Variants in FSTL3 observed in about 807,000 individuals in gnomAD.
FSTL3 encodes the protein follistatin-related protein 3.
In FSTL3, 21 loss-of-function variants were observed where a neutral mutation model predicts 28.1. That is an observed-to-expected ratio of 0.75 (90% confidence interval 0.53 to 1.08). The LOEUF (loss-of-function observed/expected upper bound fraction) is 1.08. FSTL3 is among the 50% of genes least tolerant of loss of function. FSTL3 has a pLI of 0.00. For missense variants in FSTL3, 400 were observed against 380.9 expected (o/e 1.05, Z -0.42); for synonymous variants, 199 against 164.2 (o/e 1.21, Z -1.62).
At chr19:680,120 C>T in intron 2 of FSTL3, 154 bp from the exon 3 acceptor site, 1 of 368,602 alleles carries the variant, frequency 2.7e-6, no homozygotes. Flanking sequence ...CCCTGGGAAC[C>T]CGAGGGCCCC....
chr19:676,542 AGAGGGGCGGGCG>A lies in FSTL3; in HGVS notation c.103+18_103+29del. 1 of 685,946 alleles carries A rather than the reference AGAGGGGCGGGCG, an allele frequency of 1.5e-6. No individual in the cohort carries two copies. The highest frequency in any genetic ancestry group is 1.9e-6 in the Non-Finnish European group (1 of 539,852). The allele number at this position is 685,946 out of a possible 1,614,324, so 42.5% of individuals were successfully genotyped here. ...CCCGCGCCCGGTGAGTGGGGCGGCC[AGAGGGGCGGGCG>A]GGGCGGGCCACCCACGTGGGGCTGC... On this transcript the variant is annotated intron_variant, in intron 1 of 4. Transcript: ENST00000166139.
In FSTL3 at chr19:682,681, T is replaced by G; in HGVS notation, c.*973T>G. 1 of 233,458 alleles carries G rather than the reference T, an allele frequency of 4.3e-6. No individual in the cohort carries two copies. Among genetic ancestry groups the G allele is most frequent in the Non-Finnish European group, 8.5e-6 (1 of 118,158 alleles). 14.5% of individuals were successfully genotyped at this position (233,458 alleles called of 1,614,324 possible). A position where few individuals can be genotyped will look rare whatever the true frequency, so the allele number is the denominator to read the frequency against. The stretch of plus-strand genomic sequence containing the variant: ...CCACAGAACCACCCAGCGTCTCCCC[T>G]GCTGCTGTCCACGTCAGTTCATGAG... On this transcript the variant is annotated 3_prime_UTR_variant, in exon 5 of 5. Coordinates refer to ENST00000166139, the MANE Select transcript of FSTL3 (RefSeq NM_005860.3).
intron 2 of FSTL3, among the ~76,000 whole-genome samples, chr19:678,605 G>A (rs1044183696): frequency 6.7e-6 from 1 of 149,514 alleles, no homozygotes; most frequent in Non-Finnish European, 1.5e-5. Flanking sequence ...CGGCCTCCGA[G>A]GTTCAGGTGA....
rs2031358702 is a variant in FSTL3, at chr19:682,358, T to G, written c.*650T>G. On this transcript the variant is annotated 3_prime_UTR_variant, in exon 5 of 5. Transcript: ENST00000166139. ...CTAGCCTGGGTGAGTATGGAGGGTC[T>G]AGCCTGGGTGTGTATGGAGGGTCTA... 1 of 235,924 alleles carries G rather than the reference T, an allele frequency of 4.2e-6. No individual in the cohort carries two copies. The allele number at this position is 235,924 out of a possible 1,614,324, so 14.6% of individuals were successfully genotyped here. A position where few individuals can be genotyped will look rare whatever the true frequency, so the allele number is the denominator to read the frequency against.
At chr19:678,430 G>A (rs2031255629) in intron 2 of FSTL3, among the ~76,000 whole-genome samples, 1 of 151,154 alleles carries the variant, frequency 6.6e-6, no homozygotes. Flanking sequence ...TCCCACATCA[G>A]ACTAGGGGCT....
Position 682,000 on chromosome 19 carries a change from C to G in FSTL3, c.*292C>G, listed in dbSNP as rs997668028. ...CTAAGACCTATTGCCGGGGAGGATT[C>G]CACACTTCCGCTCCTTTGGGGATAA... On this transcript the variant is annotated 3_prime_UTR_variant, in exon 5 of 5. Coordinates refer to ENST00000166139, the MANE Select transcript of FSTL3 (RefSeq NM_005860.3). The G allele has an allele frequency of 2.2e-5, 12 of 537,926 alleles. No homozygotes were observed. The highest frequency in any genetic ancestry group is 3.1e-5 in the Admixed American group (1 of 31,950). 33.3% of individuals were successfully genotyped at this position (537,926 alleles called of 1,614,324 possible).
intron 1 of FSTL3, 116 bp from the exon 2 acceptor site, chr19:677,676 T>TG (rs1268343792): frequency 2.0e-6 from 2 of 1,015,438 alleles, no homozygotes; most frequent in African/African-American, 1.6e-5. Context: ...TCTTCCTGGG[T>TG]GGGGGTAGAT....
intron 2 of FSTL3, chr19:680,001 A>AT (rs1555683190): frequency 6.6e-6 from 1 of 152,612 alleles, no homozygotes; most frequent in African/African-American, 3.8e-5. Context: ...CCGGGCAGAG[A>AT]CCCCCCCCCG....
At chr19:678,098 GCAGGGGGATC>G in intron 2 of FSTL3, 121 bp downstream of exon 2, 1 of 900,858 alleles carries the variant, frequency 1.1e-6, no homozygotes, top group Non-Finnish European at 1.7e-6. Context: ...GTAGGAGGCT[GCAGGGGGATC>G]CCAGCCTCAG....
At position 682,064 on chromosome 19, in the gene FSTL3, T is replaced by C; in HGVS notation, c.*356T>C. ...TGCTACTATCAAGAGGGCTGGGCAT[T>C]CTCTGCTGGTAATTCCTGAAGAGGC... On this transcript the variant is annotated 3_prime_UTR_variant, in exon 5 of 5. Coordinates refer to ENST00000166139, the MANE Select transcript of FSTL3 (RefSeq NM_005860.3). 1 of 425,680 alleles carries C rather than the reference T, an allele frequency of 2.3e-6. No homozygotes were observed. The highest frequency in any genetic ancestry group is 2.6e-5 in the South Asian group (1 of 37,876). 26.4% of individuals were successfully genotyped at this position (425,680 alleles called of 1,614,324 possible). A position where few individuals can be genotyped will look rare whatever the true frequency, so the allele number is the denominator to read the frequency against.
At chr19:680,722 A>T in intron 3 of FSTL3, 1 of 351,716 alleles carries the variant, frequency 2.8e-6, no homozygotes, top group East Asian at 4.2e-5. Flanking sequence ...CGCAGTGCGT[A>T]GGGGCGGGGC....
intron 2 of FSTL3, among the ~76,000 whole-genome samples, chr19:679,299 C>G (rs1457152897): frequency 6.6e-6 from 1 of 152,226 alleles, no homozygotes; most frequent in African/African-American, 2.4e-5. Flanking sequence ...CGGGGCCGCC[C>G]AGGTGCGGCC....
chr19:681,733 G>A lies in FSTL3; in HGVS notation c.*25G>A. On this transcript the variant is annotated 3_prime_UTR_variant, in exon 5 of 5. Transcript: ENST00000166139. ...AGCCTGCAGGACAGGCCTGGGCCTG[G>A]TGCCCGAGGCCCCCCATCATCCCCT... 2 of 1,537,594 alleles carry A rather than the reference G, an allele frequency of 1.3e-6. No homozygotes were observed. The highest frequency in any genetic ancestry group is 1.8e-6 in the Non-Finnish European group (2 of 1,136,338).
In FSTL3 at chr19:677,866, G is replaced by T; in HGVS notation, c.178G>T (p.Glu60Ter). 3 of 1,613,266 alleles carry T rather than the reference G, an allele frequency of 1.9e-6. No homozygotes were observed. The highest frequency in any genetic ancestry group is 2.5e-6 in the Non-Finnish European group (3 of 1,179,974). Residue 60 changes from glutamate (E) to a stop codon, truncating the protein, a stop_gained, in exon 2 of 5, where the codon GAG (glutamate) becomes TAG (stop). Coordinates refer to ENST00000166139, the MANE Select transcript of FSTL3 (RefSeq NM_005860.3). LOFTEE classifies it high-confidence loss of function. ...GCTCCAGACTGATGTCACCCGGGCC[G>T]AGTGCTGTGCCTCCGGCAACATTGA... ...LVLQTDVTRA[E>*]CCASGNIDTA...
At chr19:680,048 C>G (rs962711371) in intron 2 of FSTL3, 15 of 281,910 alleles carry the variant, frequency 5.3e-5, no homozygotes, top group Non-Finnish European at 9.8e-5. Context: ...CCCCCGCCCC[C>G]CAGCGCAGGC....
At chr19:678,900 G>A (rs2031268142) in intron 2 of FSTL3, among the ~76,000 whole-genome samples, 1 of 152,114 alleles carries the variant, frequency 6.6e-6, no homozygotes, top group African/African-American at 2.4e-5. Flanking sequence ...GTATGGGAGA[G>A]TGGATCAGGA....
Position 676,407 on chromosome 19 carries a change from CCGTCTCTGCGTT to C in FSTL3, c.-14_-3del, listed in dbSNP as rs2031209022. The C allele has an allele frequency of 9.5e-7, 1 of 1,054,210 alleles. No homozygotes were observed. The highest frequency in any genetic ancestry group is 4.2e-5 in the Admixed American group (1 of 23,618). 65.3% of individuals were successfully genotyped at this position (1,054,210 alleles called of 1,614,324 possible). A position where few individuals can be genotyped will look rare whatever the true frequency, so the allele number is the denominator to read the frequency against. ...GCGCGCTGGGAAGTCGGTGCCGCTG[CCGTCTCTGCGTT>C]CGCCATGCGTCCCGGGGCGCCAGGG... On this transcript the variant is annotated 5_prime_UTR_variant, in exon 1 of 5. Transcript: ENST00000166139.
intron 3 of FSTL3, 103 bp downstream of exon 3, chr19:680,592 C>A (rs965162601): frequency 6.7e-5 from 18 of 267,622 alleles, no homozygotes; most frequent in Non-Finnish European, 1.0e-4. Context: ...GGGCCTGGGG[C>A]GGGACCACCC....
intron 2 of FSTL3, among the ~76,000 whole-genome samples, chr19:679,200 G>T (rs1055800393): frequency 6.6e-6 from 1 of 152,090 alleles, no homozygotes; most frequent in African/African-American, 2.4e-5. Flanking sequence ...ATCTGGCCCT[G>T]GGGACGGAAC....
Sources: gnomAD v4.1 joint callset for allele counts (sites outside exome capture counted in the v4.1 genomes callset) on GRCh38, gnomAD v4.1.1 for gene constraint, MANE v1.5 for transcripts, NCBI Gene and HGNC (gene_info 2026-07-23, HGNC 2026-07-21) for gene names.